ADAMTS12: variants seen among roughly 807,000 people sequenced by gnomAD.
ADAMTS12 encodes the protein ADAM metallopeptidase with thrombospondin type 1 motif 12.
ADAMTS12 carries 118 observed loss-of-function variants against 167.8 expected under a neutral mutation model. The observed-to-expected ratio is 0.70, with a 90% CI of 0.61 to 0.82. The LOEUF is 0.82. Among genes scored for constraint, ADAMTS12 ranks in the 40% least tolerant of loss-of-function variants. ADAMTS12 has a pLI of 0.00. For synonymous variants in ADAMTS12, 704 were observed against 716.9 expected, an observed-to-expected ratio of 0.98 and a Z score of 0.29; for missense variants, 1,916 against 1,998.8, an observed-to-expected ratio of 0.96 and a Z score of 0.79.
At chr5:33,738,010 C>T (rs1579890966) in intron 3 of ADAMTS12, among the ~76,000 whole-genome samples, 1 of 152,172 alleles carries the variant, frequency 6.6e-6, no homozygotes, top group African/African-American at 2.4e-5. Context: ...CTGCCTGGTA[C>T]CACTGTTAAG....
intron 22 of ADAMTS12, 72 bp from the exon 23 acceptor site, chr5:33,535,064 C>T (rs1744314523): frequency 6.9e-7 from 1 of 1,441,906 alleles, no homozygotes; most frequent in African/African-American, 1.4e-5. Context: ...TAGAACACCT[C>T]CAATCCCACT....
intron 19 of ADAMTS12, among the ~76,000 whole-genome samples, chr5:33,571,852 A>G (rs1746367784): frequency 6.6e-6 from 1 of 151,906 alleles, no homozygotes; most frequent in African/African-American, 2.4e-5. Context: ...GACCGCTAGC[A>G]AGACTAATAA....
Position 33,630,794 on chromosome 5 carries a change from T to C in ADAMTS12, c.2008A>G (p.Asn670Asp). 1 of 1,613,530 alleles carries C rather than the reference T, an allele frequency of 6.2e-7. No individual in the cohort carries two copies. Reference sequence around the variant, plus strand: ...ATACCCAATACCTTACATATGCCATTAATACAGACATTTCTGCTGTTGCCG... The same window carrying C: ...ATACCCAATACCTTACATATGCCATCAATACAGACATTTCTGCTGTTGCCG... ...EGGNSRNVCI[N>D]GICKMVGCDY... The change falls in exon 13 of 24, where the codon AAT becomes GAT. Residue 670 changes from asparagine to aspartate, a missense_variant. Coordinates refer to ENST00000504830, the MANE Select transcript of ADAMTS12 (RefSeq NM_030955.4).
At chr5:33,784,350 CCAA>C (rs1746255445) in intron 2 of ADAMTS12, among the ~76,000 whole-genome samples, 1 of 151,678 alleles carries the variant, frequency 6.6e-6, no homozygotes, top group South Asian at 2.1e-4. Context: ...TGATGGTGAG[CCAA>C]CGTGATAAGA....
At chr5:33,616,798 G>C (rs1056797548) in intron 14 of ADAMTS12, among the ~76,000 whole-genome samples, 1 of 152,150 alleles carries the variant, frequency 6.6e-6, no homozygotes, top group Admixed American at 6.5e-5. Flanking sequence ...TTTACTTAAA[G>C]ATAACAATCA....
intron 2 of ADAMTS12, among the ~76,000 whole-genome samples, chr5:33,852,976 G>A (rs1224857912): frequency 6.6e-6 from 1 of 152,130 alleles, no homozygotes; most frequent in Non-Finnish European, 1.5e-5. Flanking sequence ...ACAGAGGCAA[G>A]GTGGCCACAG....
intron 16 of ADAMTS12, among the ~76,000 whole-genome samples, chr5:33,602,981 A>G (rs1738262598): frequency 6.6e-6 from 1 of 152,230 alleles, no homozygotes. Flanking sequence ...ACTTAACTCC[A>G]GAGAGAATTT....
chr5:33,735,840 A>AAC (rs756408858), intron 3 of ADAMTS12, among the ~76,000 whole-genome samples: 1 of 152,186 alleles, frequency 6.6e-6, no homozygotes, highest in Non-Finnish European at 1.5e-5. Context: ...GGTGCCCAGG[A>AAC]ACATCCTGGT....
In ADAMTS12 at chr5:33,717,048, A is replaced by G. The variant is rs188811073; in HGVS notation, c.635-32993T>C. Among the ~76,000 whole-genome samples the G allele has an allele frequency of 5.6e-4, 85 of 152,158 alleles. 2 individuals carry two copies. The South Asian group carries it at 0.017, about 31-fold the overall frequency. ...ACAGTAACAATTTTGATCCTACCCTATAGAGTTATGACTCTATCAGTTTGG... is the reference window on the plus strand; with the variant it reads ...ACAGTAACAATTTTGATCCTACCCTGTAGAGTTATGACTCTATCAGTTTGG... On this transcript the variant is annotated intron_variant, in intron 3 of 23. Coordinates refer to ENST00000504830, the MANE Select transcript of ADAMTS12 (RefSeq NM_030955.4).
intron 19 of ADAMTS12, among the ~76,000 whole-genome samples, chr5:33,573,610 G>T (rs1416042042): frequency 6.6e-6 from 1 of 152,170 alleles, no homozygotes; most frequent in Non-Finnish European, 1.5e-5. Flanking sequence ...ATGGATTAAA[G>T]ACTTACATGT....
intron 5 of ADAMTS12, among the ~76,000 whole-genome samples, chr5:33,673,938 C>G (rs895627318): frequency 6.6e-6 from 1 of 152,150 alleles, no homozygotes; most frequent in Non-Finnish European, 1.5e-5. Context: ...TTCCCTGCCC[C>G]CTAGTCTGGT....
intron 18 of ADAMTS12, among the ~76,000 whole-genome samples, chr5:33,585,167 G>A (rs73080315): frequency 6.6e-6 from 1 of 151,878 alleles, no homozygotes; most frequent in East Asian, 1.9e-4. Flanking sequence ...TATAATTTTG[G>A]CAATTTATTT....
At chr5:33,658,035 GA>G in intron 7 of ADAMTS12, 148 bp downstream of exon 7, 2 of 992,952 alleles carry the variant, frequency 2.0e-6, no homozygotes, top group Non-Finnish European at 3.0e-6. Flanking sequence ...CTTTACAGAT[GA>G]AAGCAGAGGT....
chr5:33,533,751 T>C (rs1352091281), intron 23 of ADAMTS12, among the ~76,000 whole-genome samples: 1 of 152,160 alleles, frequency 6.6e-6, no homozygotes, highest in Non-Finnish European at 1.5e-5. Context: ...TCCATACCTG[T>C]AGAGCAAACC....
At chr5:33,762,908 C>A (rs1745406825) in intron 2 of ADAMTS12, among the ~76,000 whole-genome samples, 1 of 152,102 alleles carries the variant, frequency 6.6e-6, no homozygotes, top group African/African-American at 2.4e-5. Flanking sequence ...GAGGTAAGAT[C>A]ATCTGCTTAA....
At chr5:33,709,422 T>C (rs546687816) in intron 3 of ADAMTS12, among the ~76,000 whole-genome samples, 6 of 152,286 alleles carry the variant, frequency 3.9e-5, no homozygotes, top group East Asian at 1.9e-4. Context: ...ACTGCAGCAC[T>C]ATATTCACAA....
chr5:33,554,645 T>C (rs1252902019), intron 20 of ADAMTS12, among the ~76,000 whole-genome samples: 2 of 152,212 alleles, frequency 1.3e-5, no homozygotes, highest in African/African-American at 2.4e-5. Context: ...CACTGGACTT[T>C]AGTAAATGTT....
chr5:33,858,225 C>A (rs1005110217), intron 2 of ADAMTS12, among the ~76,000 whole-genome samples: 2 of 151,808 alleles, frequency 1.3e-5, no homozygotes, highest in Non-Finnish European at 1.5e-5. Flanking sequence ...TCTAAATAAT[C>A]CATGGGTCAA....
intron 19 of ADAMTS12, among the ~76,000 whole-genome samples, chr5:33,572,364 A>C (rs1746403557): frequency 6.6e-6 from 1 of 152,080 alleles, no homozygotes; most frequent in Non-Finnish European, 1.5e-5. Flanking sequence ...ATACTGGCAA[A>C]CTGAATCCAG....
Sources: allele counts gnomAD v4.1 joint callset (sites outside exome capture counted in the v4.1 genomes callset), GRCh38; gene constraint gnomAD v4.1.1; transcripts MANE v1.5; gene names NCBI Gene and HGNC (gene_info 2026-07-23, HGNC 2026-07-21).